The following AP4E1 variants were observed in gnomAD, a reference collection of about 807,000 sequenced individuals.
The protein encoded by AP4E1 is AP-4 complex subunit epsilon-1.
A neutral mutation model predicts 128.2 loss-of-function variants in AP4E1; 56 were observed. The ratio of observed to expected loss-of-function variants is 0.44; its 90% CI spans 0.35 to 0.55. AP4E1 has a LOEUF of 0.55. AP4E1 is among the 20% of genes least tolerant of loss of function. The probability of loss-of-function intolerance (pLI) is 0.00; values close to 1 mark genes in which losing one functional copy is unlikely to be tolerated. For missense variants in AP4E1, 1,324 were observed against 1,307.7 expected (o/e 1.01, Z -0.19); for synonymous variants, 484 against 473.1 (o/e 1.02, Z -0.30).
intron 17 of AP4E1, among the ~76,000 whole-genome samples, chr15:50,995,361 G>C (rs2064853991): frequency 1.3e-5 from 2 of 149,954 alleles, no homozygotes; most frequent in African/African-American, 4.9e-5. Flanking sequence ...GAAAGGCCAA[G>C]GTTTATTATT....
intron 19 of AP4E1, 140 bp from the exon 20 acceptor site, chr15:51,000,886 A>G: frequency 1.5e-6 from 1 of 658,742 alleles, no homozygotes; most frequent in South Asian, 1.9e-5. Context: ...CATTTTTAGC[A>G]TATTTGGTTT....
chr15:50,951,150 G>A (rs1428928707), intron 13 of AP4E1, among the ~76,000 whole-genome samples: 1 of 152,180 alleles, frequency 6.6e-6, no homozygotes, highest in Non-Finnish European at 1.5e-5. Context: ...GTATGGCTTA[G>A]CTGGGTTCTC....
intron 3 of AP4E1, among the ~76,000 whole-genome samples, chr15:50,918,608 C>T (rs2063656806): frequency 6.6e-6 from 1 of 152,050 alleles, no homozygotes; most frequent in South Asian, 2.1e-4. Flanking sequence ...AGCCCCACTA[C>T]CCAGTCTTCC....
intron 15 of AP4E1, among the ~76,000 whole-genome samples, chr15:50,980,022 A>G (rs1358790275): frequency 6.6e-6 from 1 of 152,220 alleles, no homozygotes; most frequent in Non-Finnish European, 1.5e-5. Flanking sequence ...TAAACATAAT[A>G]TTAAGGGCAG....
Position 50,941,688 on chromosome 15 carries a change from T to C in AP4E1, c.1089T>C (p.Val363=), listed in dbSNP as rs2063990737. The change falls in exon 10 of 21, where the codon GTT becomes GTC. Residue 363 remains valine (V), a synonymous_variant. Coordinates refer to ENST00000261842, the MANE Select transcript of AP4E1 (RefSeq NM_007347.5). ...KYLGLKALTY[V]IQQDPTLALQ... The stretch of plus-strand genomic sequence containing the variant: ...TAGGACTGAAGGCTCTTACCTATGT[T>C]ATCCAACAGGATCCTACTCTGGCTC... 3.1e-6 allele frequency: 5 copies of C among 1,613,626 alleles called. No individual in the cohort carries two copies. The highest frequency in any genetic ancestry group is 4.2e-6 in the Non-Finnish European group (5 of 1,179,766).
intron 14 of AP4E1, among the ~76,000 whole-genome samples, chr15:50,961,291 A>G (rs927520362): frequency 5.9e-5 from 9 of 151,934 alleles, no homozygotes; most frequent in African/African-American, 1.9e-4. Flanking sequence ...AAAACTAGAC[A>G]AGGACACAAC....
At chr15:50,939,808 T>C (rs571246990) in intron 8 of AP4E1, among the ~76,000 whole-genome samples, 5 of 152,196 alleles carry the variant, frequency 3.3e-5, no homozygotes, top group Admixed American at 1.3e-4. Context: ...GTGTCAGTTA[T>C]GTTGGAAAAT....
chr15:50,908,298 A>G (rs955425433), upstream of AP4E1, among the ~76,000 whole-genome samples: 7 of 152,014 alleles, frequency 4.6e-5, no homozygotes, highest in Non-Finnish European at 7.4e-5. Flanking sequence ...CGCCTGTGGG[A>G]AGCGGGCGGG....
chr15:50,942,497 C>T (rs1203412493), intron 10 of AP4E1, among the ~76,000 whole-genome samples: 3 of 151,500 alleles, frequency 2.0e-5, no homozygotes, highest in Non-Finnish European at 4.4e-5. Flanking sequence ...TAATTAATTT[C>T]CTACCAAATA....
chr15:50,996,685 C>T (rs2064879412), intron 17 of AP4E1, among the ~76,000 whole-genome samples: 1 of 152,160 alleles, frequency 6.6e-6, no homozygotes, highest in Admixed American at 6.5e-5. Flanking sequence ...ACCATCACTC[C>T]TCTTACATAG....
chr15:50,935,509 C>T (rs1185268563), intron 8 of AP4E1, among the ~76,000 whole-genome samples: 1 of 151,992 alleles, frequency 6.6e-6, no homozygotes, highest in Non-Finnish European at 1.5e-5. Context: ...TTTGATTAGC[C>T]TGAGAAAGCT....
chr15:50,962,017 A>AAATAC (rs56115825), intron 14 of AP4E1, among the ~76,000 whole-genome samples: 28,802 of 150,884 alleles, frequency 0.19, 3,143 homozygotes, highest in East Asian at 0.44. Flanking sequence ...ATAAATAAAT[A>AAATAC]AATACAATAC....
intron 8 of AP4E1, among the ~76,000 whole-genome samples, chr15:50,935,451 A>C (rs574520115): frequency 6.6e-6 from 1 of 152,016 alleles, no homozygotes; most frequent in African/African-American, 2.4e-5. Flanking sequence ...CTGAGAAAGT[A>C]GCCAAAAAAA....
intron 15 of AP4E1, among the ~76,000 whole-genome samples, chr15:50,977,183 G>T (rs2064563140): frequency 6.6e-6 from 1 of 152,086 alleles, no homozygotes; most frequent in Admixed American, 6.6e-5. Context: ...ACAGTGGGAG[G>T]TATGATTCCG....
At position 50,962,446 on chromosome 15, in the gene AP4E1, C is replaced by A. The variant is rs76147584; in HGVS notation, c.1851+3652C>A. Among the ~76,000 whole-genome samples, 247 of 151,884 alleles carry A rather than the reference C, an allele frequency of 1.6e-3. 12 individuals are homozygous for A. The East Asian group carries it at 0.043, about 27-fold the overall frequency. On this transcript the variant is annotated intron_variant, in intron 14 of 20. Coordinates refer to ENST00000261842, the MANE Select transcript of AP4E1 (RefSeq NM_007347.5). ...ATGGAACAGAGGGAACCCAGAAAAA[C>A]CGTGTATTTACGACTAACTGATTTT...
intron 11 of AP4E1, among the ~76,000 whole-genome samples, chr15:50,949,281 T>G (rs1567230144): frequency 6.6e-6 from 1 of 151,192 alleles, no homozygotes; most frequent in Non-Finnish European, 1.5e-5. Flanking sequence ...GGCATGGTGG[T>G]GTGCACCTGT....
In AP4E1 at chr15:50,990,949, A is replaced by G. The variant is rs537633038; in HGVS notation, c.2091-2421A>G. On this transcript the variant is annotated intron_variant, in intron 16 of 20. Transcript: ENST00000261842. ...AACATCTATAGAAGGAAGGAAAAAG[A>G]AGCAGGTTTGGGCAGAAGTTAAGAT... Among the ~76,000 whole-genome samples the G allele has an allele frequency of 2.0e-5, 3 of 152,274 alleles. No individual in the cohort carries two copies. In the South Asian group the frequency reaches 6.2e-4, roughly 32 times the overall value.
chr15:50,948,378 T>C (rs1035846885), intron 11 of AP4E1, among the ~76,000 whole-genome samples: 1 of 149,954 alleles, frequency 6.7e-6, no homozygotes, highest in Non-Finnish European at 1.5e-5. Context: ...TTTATTCATG[T>C]AGTCCAGTAT....
intron 16 of AP4E1, among the ~76,000 whole-genome samples, chr15:50,992,488 G>C (rs1323416659): frequency 6.6e-6 from 1 of 152,160 alleles, no homozygotes. Flanking sequence ...TAATAGAGAT[G>C]ATCCTTGGCT....
Sources: gnomAD v4.1 joint callset for allele counts (sites outside exome capture counted in the v4.1 genomes callset) on GRCh38, gnomAD v4.1.1 for gene constraint, MANE v1.5 for transcripts, NCBI Gene and HGNC (gene_info 2026-07-23, HGNC 2026-07-21) for gene names.